The following CDH10 variants were observed in gnomAD, a reference collection of about 807,000 sequenced individuals.
CDH10 encodes the protein cadherin 10, also known as cadherin-10.
A neutral mutation model predicts 73.1 loss-of-function variants in CDH10; 30 were observed. That is an observed-to-expected ratio of 0.41 (90% confidence interval 0.31 to 0.56). The LOEUF is 0.56. Ranked by LOEUF, CDH10 falls within the 20% of genes least tolerant of loss-of-function variation. The pLI is 0.27. For synonymous variants in CDH10, 345 were observed against 348.2 expected (o/e 0.99, Z 0.10); for missense variants, 815 against 973.7 (o/e 0.84, Z 2.17).
At chr5:24,541,518 G>A (rs979054234) in intron 2 of CDH10, among the ~76,000 whole-genome samples, 3 of 151,902 alleles carry the variant, frequency 2.0e-5, no homozygotes, top group Non-Finnish European at 4.4e-5. Context: ...ACATTTTATT[G>A]AACGAAAGAG....
chr5:24,563,341 C>T (rs141688534), intron 2 of CDH10, among the ~76,000 whole-genome samples: 28 of 132,824 alleles, frequency 2.1e-4, no homozygotes, highest in African/African-American at 8.6e-4. Flanking sequence ...TTGACAGGTG[C>T]GTTTCCACTT....
Position 24,554,473 on chromosome 5 carries a change from CGTGTGTGTGTGTGT to C in CDH10, c.232-16813_232-16800del, listed in dbSNP as rs70965612. Among the ~76,000 whole-genome samples the C allele has an allele frequency of 1.3e-3, 193 of 149,438 alleles. 1 individual carries two copies. The highest frequency in any genetic ancestry group is 2.6e-3 in the African/African-American group (105 of 40,476). On this transcript the variant is annotated intron_variant, in intron 2 of 11. Coordinates refer to ENST00000264463, the MANE Select transcript of CDH10 (RefSeq NM_006727.5). Reference sequence around the variant, plus strand: ...TTTCAAGTTGTTCTTTCTCCCTATTCGTGTGTGTGTGTGTGTGTGTGTGTGTGTGTGTGTGTGTG... The same window carrying C: ...TTTCAAGTTGTTCTTTCTCCCTATTCGTGTGTGTGTGTGTGTGTGTGTGTG...
At chr5:24,510,792 T>C (rs1031807939) in intron 6 of CDH10, among the ~76,000 whole-genome samples, 1 of 152,228 alleles carries the variant, frequency 6.6e-6, no homozygotes, top group African/African-American at 2.4e-5. Context: ...TATGCTACAA[T>C]AACAAACAGG....
chr5:24,490,712 T>C (rs1742022860), intron 11 of CDH10, among the ~76,000 whole-genome samples: 1 of 152,160 alleles, frequency 6.6e-6, no homozygotes. Context: ...AACATGCTCT[T>C]TTTATAATCA....
chr5:24,586,214 T>G (rs1488034161), intron 2 of CDH10, among the ~76,000 whole-genome samples: 1 of 152,184 alleles, frequency 6.6e-6, no homozygotes, highest in African/African-American at 2.4e-5. Context: ...ATTTAATAGC[T>G]TTATGTAATC....
chr5:24,549,272 C>T (rs368585939), intron 2 of CDH10, among the ~76,000 whole-genome samples: 8 of 152,066 alleles, frequency 5.3e-5, no homozygotes, highest in African/African-American at 1.4e-4. Context: ...AGAGTAAGAA[C>T]GAAGTAGAAG....
At chr5:24,505,888 G>A (rs1742680589) in intron 7 of CDH10, among the ~76,000 whole-genome samples, 1 of 152,194 alleles carries the variant, frequency 6.6e-6, no homozygotes, top group African/African-American at 2.4e-5. Flanking sequence ...GGCCCAGGCA[G>A]GAGGATCATG....
chr5:24,507,630 G>A (rs1332029884), intron 7 of CDH10, among the ~76,000 whole-genome samples: 4 of 151,806 alleles, frequency 2.6e-5, no homozygotes, highest in African/African-American at 9.7e-5. Context: ...ATTTTATTTT[G>A]TAAAGTCTAT....
chr5:24,532,915 T>C (rs1225213143), intron 5 of CDH10, among the ~76,000 whole-genome samples: 2 of 152,042 alleles, frequency 1.3e-5, no homozygotes, highest in Non-Finnish European at 2.9e-5. Context: ...CCTCCAAAGA[T>C]TGTCTATTTA....
intron 1 of CDH10, among the ~76,000 whole-genome samples, chr5:24,626,792 A>ATATG (rs991988107): frequency 2.6e-3 from 382 of 149,102 alleles, no homozygotes; most frequent in East Asian, 0.012. Flanking sequence ...ATATATATAT[A>ATATG]TGTGTGTGTG....
chr5:24,594,390 A>C (rs1484476160), intron 1 of CDH10, among the ~76,000 whole-genome samples: 2 of 151,876 alleles, frequency 1.3e-5, no homozygotes, highest in Admixed American at 1.3e-4. Flanking sequence ...TTCTCAACAA[A>C]ATTTCCTTAG....
intron 5 of CDH10, among the ~76,000 whole-genome samples, chr5:24,532,946 A>T (rs1280633606): frequency 6.6e-6 from 1 of 152,106 alleles, no homozygotes; most frequent in Non-Finnish European, 1.5e-5. Context: ...ATTCAATATG[A>T]AATACAATTT....
At position 24,537,364 on chromosome 5, in the gene CDH10, C is replaced by T. The variant is rs2111891600; in HGVS notation, c.526+16G>A. The T allele has an allele frequency of 5.8e-6, 9 of 1,565,150 alleles. No homozygotes were observed. Among genetic ancestry groups the T allele is most frequent in the Non-Finnish European group, 5.2e-6 (6 of 1,147,178 alleles). ...CACTTTTTGAATACCATCATAAACGCTGTAAATGAACTTACCTACAACAGA... is the reference window on the plus strand; with the variant it reads ...CACTTTTTGAATACCATCATAAACGTTGTAAATGAACTTACCTACAACAGA... On this transcript the variant is annotated intron_variant, in intron 3 of 11. Transcript: ENST00000264463.
intron 2 of CDH10, among the ~76,000 whole-genome samples, chr5:24,581,881 CTT>C (rs1436382025): frequency 6.6e-6 from 1 of 151,904 alleles, no homozygotes; most frequent in Admixed American, 6.6e-5. Context: ...TCTAAAAAAA[CTT>C]AATTACAAAG....
chr5:24,539,323 T>C lies in CDH10; in HGVS notation c.232-1649A>G, dbSNP rs192155003. On this transcript the variant is annotated intron_variant, in intron 2 of 11. Coordinates refer to ENST00000264463, the MANE Select transcript of CDH10 (RefSeq NM_006727.5). ...TCCTATTTAAGAAGACTTTTGTTTA[T>C]TTAATTGAAAGGTTCTTTTTTACTT... Among the ~76,000 whole-genome samples, 3 of 152,170 alleles carry C rather than the reference T, an allele frequency of 2.0e-5. No individual in the cohort carries two copies. The East Asian group carries it at 5.8e-4, about 29-fold the overall frequency.
intron 8 of CDH10, 45 bp downstream of exon 8, chr5:24,505,067 A>G (rs1561128119): frequency 7.7e-7 from 1 of 1,301,738 alleles, no homozygotes; most frequent in Non-Finnish European, 1.1e-6. Context: ...ATATATAAAC[A>G]TAAACATATC....
At chr5:24,567,908 G>A (rs1561168258) in intron 2 of CDH10, among the ~76,000 whole-genome samples, 2 of 151,660 alleles carry the variant, frequency 1.3e-5, no homozygotes, top group African/African-American at 4.8e-5. Flanking sequence ...TTTTCCTTTT[G>A]TCAGCAGTGT....
intron 2 of CDH10, among the ~76,000 whole-genome samples, chr5:24,548,854 C>T (rs151196131): frequency 4.1e-4 from 62 of 151,734 alleles, no homozygotes; most frequent in African/African-American, 1.4e-3. Context: ...GATTAATATA[C>T]AAGAATAAAA....
chr5:24,601,728 AT>A (rs11346014), intron 1 of CDH10, among the ~76,000 whole-genome samples: 2,507 of 151,372 alleles, frequency 0.017, 68 homozygotes, highest in African/African-American at 0.057. Context: ...TTCAATAGCT[AT>A]TTTTTTTTCT....
Sources: gnomAD v4.1 joint callset for allele counts (sites outside exome capture counted in the v4.1 genomes callset) on GRCh38, gnomAD v4.1.1 for gene constraint, MANE v1.5 for transcripts, NCBI Gene and HGNC (gene_info 2026-07-23, HGNC 2026-07-21) for gene names.